NCKAP5: variants seen among roughly 807,000 people sequenced by gnomAD.
The protein encoded by NCKAP5 is NCK associated protein 5, also known as nck-associated protein 5.
Under a neutral mutation model 167.0 loss-of-function variants are expected in NCKAP5, and 92 were observed. The ratio of observed to expected loss-of-function variants is 0.55; its 90% CI spans 0.47 to 0.66. NCKAP5 has a LOEUF of 0.66. NCKAP5 is among the 30% of genes least tolerant of loss of function. The pLI, the probability that NCKAP5 is intolerant of heterozygous loss-of-function variation, is 0.00. For missense variants in NCKAP5, 2,378 were observed against 2,315.0 expected (o/e 1.03, Z -0.56); for synonymous variants, 891 against 877.4 (o/e 1.02, Z -0.27).
intron 3 of NCKAP5, among the ~76,000 whole-genome samples, chr2:133,489,086 C>T (rs1396335338): frequency 6.6e-6 from 1 of 152,136 alleles, no homozygotes; most frequent in African/African-American, 2.4e-5. Context: ...GAGACTCAAT[C>T]TCAGAAAAAG....
At chr2:133,241,730 G>C (rs530737693) in intron 4 of NCKAP5, among the ~76,000 whole-genome samples, 4 of 152,084 alleles carry the variant, frequency 2.6e-5, no homozygotes, top group Non-Finnish European at 5.9e-5. Context: ...TCCCAGGAAC[G>C]TGGTTTGTCC....
chr2:133,261,180 C>T (rs925707382), intron 4 of NCKAP5, among the ~76,000 whole-genome samples: 2 of 152,108 alleles, frequency 1.3e-5, no homozygotes, highest in East Asian at 1.9e-4. Flanking sequence ...ATGCTGTGAA[C>T]GGAGTGTAGG....
At position 132,728,904 on chromosome 2, in the gene NCKAP5, G is replaced by A. The variant is rs746477429; in HGVS notation, c.5492C>T (p.Thr1831Ile). The change falls in exon 18 of 20, where the codon ACA becomes ATA. Residue 1831 changes from threonine (T) to isoleucine (I), a missense_variant. Around this residue, in one of 3 missense-constraint regions of NCKAP5, gnomAD observed 1,325 missense variants for 1,274.5 expected, o/e 1.04. Transcript: ENST00000409261. ...TTCAGCATATCCGAATGATGAGCAT[G>A]TCTGAGGCCTTGGCTCTGCTTCATT... is the stretch of plus-strand genomic sequence containing the variant. ...KQNEAEPRPQTCSSFGYAEDP... is the reference protein window; with the variant it reads ...KQNEAEPRPQICSSFGYAEDP... 1.4e-5 allele frequency: 23 copies of A among 1,613,866 alleles called. No homozygotes were observed. The South Asian group carries it at 2.3e-4, about 16-fold the overall frequency.
intron 7 of NCKAP5, among the ~76,000 whole-genome samples, chr2:132,974,274 C>G (rs188744407): frequency 6.6e-6 from 1 of 152,254 alleles, no homozygotes; most frequent in East Asian, 1.9e-4. Context: ...GTCAAATCCA[C>G]CTACTAATTC....
chr2:133,424,123 C>T (rs1308407628), intron 3 of NCKAP5, among the ~76,000 whole-genome samples: 3 of 152,168 alleles, frequency 2.0e-5, no homozygotes, highest in South Asian at 2.1e-4. Context: ...TCTACTGAAA[C>T]TAAAGTGATG....
the NCKAP5 span, among the ~76,000 whole-genome samples, chr2:133,633,600 G>A: frequency 2.6e-5 from 4 of 152,130 alleles, no homozygotes; most frequent in Admixed American, 2.0e-4. Context: ...TTCATGAAGC[G>A]GTTAACAAAT....
At chr2:133,114,631 C>T (rs1480957626) in intron 6 of NCKAP5, among the ~76,000 whole-genome samples, 2 of 152,058 alleles carry the variant, frequency 1.3e-5, no homozygotes, top group Non-Finnish European at 1.5e-5. Flanking sequence ...TAGGGTTCAC[C>T]CAATGTCTCA....
intron 3 of NCKAP5, among the ~76,000 whole-genome samples, chr2:133,361,734 G>A (rs866035324): frequency 1.3e-5 from 2 of 152,184 alleles, no homozygotes; most frequent in Non-Finnish European, 2.9e-5. Flanking sequence ...CATTACAAGA[G>A]TCTACAGGAC....
At chr2:133,458,327 A>C (rs542564207) in intron 3 of NCKAP5, among the ~76,000 whole-genome samples, 112 of 152,262 alleles carry the variant, frequency 7.4e-4, no homozygotes, top group African/African-American at 2.3e-3. Context: ...CCTTTCTACC[A>C]TGAAAGTTTT....
At chr2:132,859,878 T>G (rs1011201577) in intron 11 of NCKAP5, among the ~76,000 whole-genome samples, 1 of 152,168 alleles carries the variant, frequency 6.6e-6, no homozygotes, top group Admixed American at 6.5e-5. Context: ...TATTCTCTAG[T>G]GCTTTGTCAG....
chr2:132,812,062 T>A (rs1397595043), intron 11 of NCKAP5, among the ~76,000 whole-genome samples: 1 of 152,178 alleles, frequency 6.6e-6, no homozygotes, highest in Non-Finnish European at 1.5e-5. Context: ...GTGGTGTGTG[T>A]TTGGGAGAGG....
At position 133,026,693 on chromosome 2, in the gene NCKAP5, T is replaced by C. The variant is rs543428287; in HGVS notation, c.342-32454A>G. Reference sequence around the variant, plus strand: ...ACTGAACTGTTTTTGAGAAAGTCTGTGCGCTGAAGCCTTGCAGGGAACTAT... The same window carrying C: ...ACTGAACTGTTTTTGAGAAAGTCTGCGCGCTGAAGCCTTGCAGGGAACTAT... On this transcript the variant is annotated intron_variant, in intron 6 of 19. Coordinates refer to ENST00000409261, the MANE Select transcript of NCKAP5 (RefSeq NM_207363.3). Among the ~76,000 whole-genome samples, 42 of 152,314 alleles carry C rather than the reference T, an allele frequency of 2.8e-4. No individual in the cohort carries two copies. In the Middle Eastern group the frequency reaches 0.014, roughly 49 times the overall value.
intron 18 of NCKAP5, among the ~76,000 whole-genome samples, chr2:132,728,553 A>T (rs1690685913): frequency 6.6e-6 from 1 of 152,156 alleles, no homozygotes; most frequent in Non-Finnish European, 1.5e-5. Flanking sequence ...ACAATATCTA[A>T]TCAGGGGAGT....
chr2:132,717,276 A>C (rs2105362299), intron 19 of NCKAP5, among the ~76,000 whole-genome samples: 1 of 152,330 alleles, frequency 6.6e-6, no homozygotes, highest in African/African-American at 2.4e-5. Flanking sequence ...AAAAGAGAGA[A>C]GTTCCAGGAA....
the NCKAP5 span, among the ~76,000 whole-genome samples, chr2:133,647,418 AG>A: frequency 8.2e-6 from 1 of 122,042 alleles, no homozygotes; most frequent in African/African-American, 3.9e-5. Context: ...GAAGGAAGGA[AG>A]AGAAAGAAAG....
intron 3 of NCKAP5, among the ~76,000 whole-genome samples, chr2:133,486,028 C>T (rs1369963201): frequency 6.6e-6 from 1 of 152,122 alleles, no homozygotes; most frequent in African/African-American, 2.4e-5. Context: ...AATGTGTGCA[C>T]GCACTGCCTC....
At chr2:133,352,935 A>C (rs1249994852) in intron 3 of NCKAP5, among the ~76,000 whole-genome samples, 1 of 152,242 alleles carries the variant, frequency 6.6e-6, no homozygotes, top group East Asian at 1.9e-4. Flanking sequence ...GCCAAAAAGG[A>C]ATATTTAAAG....
chr2:132,922,413 A>G (rs79878292), intron 8 of NCKAP5, among the ~76,000 whole-genome samples: 1 of 152,134 alleles, frequency 6.6e-6, no homozygotes, highest in Non-Finnish European at 1.5e-5. Flanking sequence ...TAAAATGCAA[A>G]TGTGATCATG....
intron 5 of NCKAP5, among the ~76,000 whole-genome samples, chr2:133,134,366 T>C (rs1381437298): frequency 6.6e-6 from 1 of 152,242 alleles, no homozygotes; most frequent in Admixed American, 6.5e-5. Flanking sequence ...TTGTATTAGG[T>C]TCCTACCTTT....
Sources: allele counts gnomAD v4.1 joint callset (sites outside exome capture counted in the v4.1 genomes callset), GRCh38; gene constraint gnomAD v4.1.1; regional missense constraint gnomAD v4.1.1; transcripts MANE v1.5; gene names NCBI Gene and HGNC (gene_info 2026-07-23, HGNC 2026-07-21).